The following MARCHF1 variants were observed in gnomAD, a reference collection of about 807,000 sequenced individuals.
MARCHF1 encodes the protein membrane associated ring-CH-type finger 1.
Under a neutral mutation model 54.2 loss-of-function variants are expected in MARCHF1, and 40 were observed. The ratio of observed to expected loss-of-function variants is 0.74; its 90% CI spans 0.57 to 0.96. The LOEUF (loss-of-function observed/expected upper bound fraction) is 0.96. Among genes scored for constraint, MARCHF1 ranks in the 40% least tolerant of loss-of-function variants. MARCHF1 has a pLI of 0.00. For synonymous variants in MARCHF1, 236 were observed against 236.3 expected, an observed-to-expected ratio of 1.00 and a Z score of 0.01; for missense variants, 586 against 656.5, an observed-to-expected ratio of 0.89 and a Z score of 1.17.
intron 3 of MARCHF1, among the ~76,000 whole-genome samples, chr4:163,963,470 GGA>G (rs1255485374): frequency 1.3e-5 from 2 of 151,778 alleles, no homozygotes; most frequent in African/African-American, 4.8e-5. Flanking sequence ...GAAGTTTTAT[GGA>G]TCATTGAAAG....
intron 5 of MARCHF1, among the ~76,000 whole-genome samples, chr4:163,684,275 G>A (rs1744200240): frequency 6.6e-6 from 1 of 152,150 alleles, no homozygotes; most frequent in Admixed American, 6.5e-5. Context: ...TTGTATGTTG[G>A]TGTAGCAAGT....
intron 2 of MARCHF1, among the ~76,000 whole-genome samples, chr4:164,091,235 A>G (rs1031851076): frequency 4.6e-5 from 7 of 152,000 alleles, no homozygotes; most frequent in Admixed American, 2.6e-4. Flanking sequence ...GTTGAATGAT[A>G]TCTTCTTGAT....
intron 1 of MARCHF1, among the ~76,000 whole-genome samples, chr4:164,239,590 A>G (rs928417259): frequency 6.6e-6 from 1 of 152,116 alleles, no homozygotes; most frequent in Non-Finnish European, 1.5e-5. Flanking sequence ...GGTGCACTAC[A>G]GTATGAGTAA....
chr4:163,812,741 C>A (rs1192796104), intron 4 of MARCHF1, among the ~76,000 whole-genome samples: 1 of 152,066 alleles, frequency 6.6e-6, no homozygotes, highest in Non-Finnish European at 1.5e-5. Flanking sequence ...CTGGGAGACA[C>A]AGCAAGACTT....
intron 1 of MARCHF1, among the ~76,000 whole-genome samples, chr4:164,319,600 T>G (rs553502591): frequency 9.9e-5 from 15 of 152,172 alleles, no homozygotes; most frequent in Admixed American, 3.9e-4. Context: ...AAGGAAAGAA[T>G]GTGAAAAATG....
At chr4:163,826,482 C>T (rs992839464) in intron 4 of MARCHF1, among the ~76,000 whole-genome samples, 4 of 151,952 alleles carry the variant, frequency 2.6e-5, no homozygotes, top group African/African-American at 7.2e-5. Flanking sequence ...ATCCTAAAGC[C>T]GTCCATGAAT....
At chr4:164,310,942 C>A (rs1387634737) in intron 1 of MARCHF1, among the ~76,000 whole-genome samples, 1 of 152,110 alleles carries the variant, frequency 6.6e-6, no homozygotes, top group Admixed American at 6.5e-5. Context: ...ATTTAGAGAA[C>A]CTACTTCTAA....
rs566718445 is a variant in MARCHF1 at position 163,678,366 on chromosome 4, T to C, written c.162+22447A>G. 5.9e-5 allele frequency among the ~76,000 whole-genome samples: 9 copies of C among 152,364 alleles called. No homozygotes were observed. The South Asian group carries it at 1.9e-3, about 32-fold the overall frequency. ...CTCTTGCATAGAATTAATTTTGGTATAGCTTCCATTTCATTAGAGGAGCAC... is the reference window on the plus strand; with the variant it reads ...CTCTTGCATAGAATTAATTTTGGTACAGCTTCCATTTCATTAGAGGAGCAC... On this transcript the variant is annotated intron_variant, in intron 5 of 9. Coordinates refer to ENST00000514618, the MANE Select transcript of MARCHF1 (RefSeq NM_001394959.1).
At chr4:163,893,259 C>CT (rs1278388021) in intron 3 of MARCHF1, among the ~76,000 whole-genome samples, 3 of 152,048 alleles carry the variant, frequency 2.0e-5, no homozygotes, top group Admixed American at 6.5e-5. Flanking sequence ...CCACCTCAGT[C>CT]TCCTGAGTAG....
intron 1 of MARCHF1, among the ~76,000 whole-genome samples, chr4:164,315,241 A>C (rs915794324): frequency 6.6e-6 from 1 of 151,712 alleles, no homozygotes; most frequent in Non-Finnish European, 1.5e-5. Flanking sequence ...CAAAAAAAAA[A>C]AAAAAAAAAA....
chr4:164,368,127 C>G (rs946651115), intron 1 of MARCHF1, among the ~76,000 whole-genome samples: 1 of 142,270 alleles, frequency 7.0e-6, no homozygotes, highest in African/African-American at 2.6e-5. Flanking sequence ...AAAAAAACCA[C>G]AAAGAAATGG....
intron 4 of MARCHF1, among the ~76,000 whole-genome samples, chr4:163,705,949 C>G (rs1445349823): frequency 6.6e-6 from 1 of 151,972 alleles, no homozygotes; most frequent in Non-Finnish European, 1.5e-5. Flanking sequence ...ACCACTGCAG[C>G]TAATTAGACT....
intron 1 of MARCHF1, among the ~76,000 whole-genome samples, chr4:164,278,912 C>T (rs1395380106): frequency 6.6e-6 from 1 of 152,066 alleles, no homozygotes; most frequent in Non-Finnish European, 1.5e-5. Flanking sequence ...AATAAGCTCA[C>T]CAATATACTA....
chr4:163,882,797 C>T (rs1311633812), intron 3 of MARCHF1, among the ~76,000 whole-genome samples: 1 of 151,940 alleles, frequency 6.6e-6, no homozygotes, highest in East Asian at 1.9e-4. Context: ...GATGAAACCT[C>T]ATCTCTACAA....
chr4:163,782,768 G>A (rs1747505715), intron 4 of MARCHF1, among the ~76,000 whole-genome samples: 1 of 151,982 alleles, frequency 6.6e-6, no homozygotes, highest in Non-Finnish European at 1.5e-5. Context: ...ACAAAGGTGA[G>A]AGTAGGCTGC....
intron 4 of MARCHF1, among the ~76,000 whole-genome samples, chr4:163,786,637 A>C (rs1747628365): frequency 6.6e-6 from 1 of 151,936 alleles, no homozygotes; most frequent in Non-Finnish European, 1.5e-5. Flanking sequence ...CATATCAAAA[A>C]AAGTTTAGTT....
chr4:163,634,307 G>A (rs935039474), intron 5 of MARCHF1, among the ~76,000 whole-genome samples: 4 of 148,902 alleles, frequency 2.7e-5, no homozygotes, highest in Admixed American at 7.0e-5. Context: ...CTGGCAAATT[G>A]GATAAAGAGT....
intron 3 of MARCHF1, among the ~76,000 whole-genome samples, chr4:163,879,029 A>G (rs1489561358): frequency 2.0e-5 from 3 of 152,240 alleles, no homozygotes; most frequent in Non-Finnish European, 4.4e-5. Flanking sequence ...GCAAAACAAT[A>G]TTAAGTATTG....
At chr4:164,235,096 C>G (rs1732510914) in intron 1 of MARCHF1, among the ~76,000 whole-genome samples, 1 of 152,016 alleles carries the variant, frequency 6.6e-6, no homozygotes, top group African/African-American at 2.4e-5. Flanking sequence ...GTTCTCTAAA[C>G]GTTCCCCCAG....
Sources: gnomAD v4.1 joint callset for allele counts (sites outside exome capture counted in the v4.1 genomes callset) on GRCh38, gnomAD v4.1.1 for gene constraint, MANE v1.5 for transcripts, NCBI Gene and HGNC (gene_info 2026-07-23, HGNC 2026-07-21) for gene names.